Variants in RHBDF1 observed in about 807,000 individuals in gnomAD.
RHBDF1 encodes the protein rhomboid 5 homolog 1, also known as inactive rhomboid protein 1.
Under a neutral mutation model 98.6 loss-of-function variants are expected in RHBDF1, and 80 were observed. The observed-to-expected ratio is 0.81, with a 90% confidence interval of 0.68 to 0.98. The LOEUF (loss-of-function observed/expected upper bound fraction) is 0.98, where lower values mean the gene tolerates loss of function less well. Among genes scored for constraint, RHBDF1 ranks in the 50% least tolerant of loss-of-function variants. The probability of loss-of-function intolerance (pLI) is 0.00; values close to 1 mark genes in which losing one functional copy is unlikely to be tolerated. For synonymous variants in RHBDF1, 512 were observed against 486.8 expected (o/e 1.05, Z -0.68); for missense variants, 1,116 against 1,198.3 (o/e 0.93, Z 1.01).
intron 1 of RHBDF1, among the ~76,000 whole-genome samples, chr16:70,159 T>G (rs570161027): frequency 6.6e-6 from 1 of 152,342 alleles, no homozygotes; most frequent in Admixed American, 6.5e-5. Context: ...TCAGGGCACC[T>G]GTCCAGGCCA....
intron 3 of RHBDF1, 116 bp from the exon 4 acceptor site, chr16:63,916 C>T: frequency 1.1e-6 from 1 of 931,920 alleles, no homozygotes; most frequent in Non-Finnish European, 1.7e-6. Flanking sequence ...ACTCCAGGGA[C>T]CAGGGTCTGA....
chr16:58,234 C>T lies in RHBDF1; in HGVS notation c.*106G>A, dbSNP rs1222884746. On this transcript the variant is annotated 3_prime_UTR_variant, in exon 18 of 18. Transcript: ENST00000262316. ...AGAGGTCTGTGTTCAGGAAACAGGC[C>T]AGTCCCCACATGGAGCAGGTGACTC... 1 of 1,095,716 alleles carries T rather than the reference C, an allele frequency of 9.1e-7. No homozygotes were observed. The highest frequency in any genetic ancestry group is 1.3e-6 in the Non-Finnish European group (1 of 764,390). 67.9% of individuals were successfully genotyped at this position (1,095,716 alleles called of 1,614,324 possible).
At chr16:58,817 A>C in intron 17 of RHBDF1, 58 bp from the exon 18 acceptor site, 1 of 1,577,558 alleles carries the variant, frequency 6.3e-7, no homozygotes, top group Non-Finnish European at 8.6e-7. Flanking sequence ...CCCTGGACCC[A>C]AGGCCTCATC....
At chr16:72,671 G>A, upstream of RHBDF1, 5 of 980,712 alleles carry the variant, frequency 5.1e-6, no homozygotes, top group Non-Finnish European at 6.1e-6. Context: ...GGGCCCGGCC[G>A]GAGCGGGGCG....
intron 1 of RHBDF1, among the ~76,000 whole-genome samples, chr16:72,156 A>G (rs933515171): frequency 1.3e-5 from 2 of 152,182 alleles, no homozygotes; most frequent in South Asian, 4.1e-4. Flanking sequence ...CCCGGACTCT[A>G]GACTCCCGCT....
rs749223491 is a variant in RHBDF1, at chr16:62,021, CCTT to C, written c.982_984del (p.Lys328del). Reference sequence around the variant, plus strand: ...TTGGGCTGCGGGGCTGCGGCGCCCTCCTTCTGCTTCCGCCAGCCTCGCTCCAAG... The same window carrying C: ...TTGGGCTGCGGGGCTGCGGCGCCCTCCTGCTTCCGCCAGCCTCGCTCCAAG... On this transcript the variant is annotated inframe_deletion, in exon 8 of 18. Coordinates refer to ENST00000262316, the MANE Select transcript of RHBDF1 (RefSeq NM_022450.5). The C allele has an allele frequency of 1.3e-5, 20 of 1,521,348 alleles. No individual in the cohort carries two copies. Among genetic ancestry groups the C allele is most frequent in the Non-Finnish European group, 1.5e-5 (17 of 1,139,844 alleles). The allele number at this position is 1,521,348 out of a possible 1,614,324, so 94.2% of individuals were successfully genotyped here.
At position 64,733 on chromosome 16, in the gene RHBDF1, G is replaced by C. The variant is rs141787168; in HGVS notation, c.214C>G (p.Gln72Glu). ...GTCTGTGTGATGGACGTCTGGCGTT[G>C]CAGCACCGGCCGCCGGAGCTCATGG... ...PHHELRRPVL[Q>E]RQTSITQTIR... The change falls in exon 3 of 18, where the codon CAA (glutamine) becomes GAA (glutamate). Residue 72 changes from glutamine (Q) to glutamate (E), a missense_variant. Gln to Glu is a conservative substitution (Grantham distance 29, BLOSUM62 2). Coordinates refer to ENST00000262316, the MANE Select transcript of RHBDF1 (RefSeq NM_022450.5). The C allele has an allele frequency of 2.6e-5, 42 of 1,613,746 alleles. 1 individual carries two copies. In the African/African-American group the frequency reaches 4.3e-4, roughly 16 times the overall value.
At chr16:68,856 C>T (rs570556005) in intron 1 of RHBDF1, among the ~76,000 whole-genome samples, 45 of 152,292 alleles carry the variant, frequency 3.0e-4, no homozygotes, top group Middle Eastern at 3.4e-3. Context: ...AAGCTGGCCG[C>T]GTGCACAGGT....
rs1461684825 is a variant in RHBDF1 at position 62,827 on chromosome 16, T to A, written c.743A>T (p.Glu248Val). 6.8e-6 allele frequency: 11 copies of A among 1,613,888 alleles called. No homozygotes were observed. The highest frequency in any genetic ancestry group is 9.3e-6 in the Non-Finnish European group (11 of 1,180,018). ...ATCGGGGAAATCAGTTGTGTCCTCC[T>A]CCAGAAAGCTAGCTGGAGTGAAGCT... ...RRSFTPASFL[E>V]EDTTDFPDEL... Residue 248 changes from glutamate (E) to valine (V), a missense_variant, in exon 6 of 18, where the codon GAG becomes GTG. Physicochemically the swap from Glu to Val is moderately radical, Grantham distance 121. Coordinates refer to ENST00000262316, the MANE Select transcript of RHBDF1 (RefSeq NM_022450.5).
Position 67,201 on chromosome 16 carries a change from C to T in RHBDF1, c.-24-2162G>A, listed in dbSNP as rs572876823. ...ACACGTTGGGAAGGCAGGTGGTGCT[C>T]GGCAAGGGGCTTCCGGAACCCACAG... On this transcript the variant is annotated intron_variant, in intron 1 of 17. Transcript: ENST00000262316. 6.6e-5 allele frequency among the ~76,000 whole-genome samples: 10 copies of T among 152,324 alleles called. No homozygotes were observed. The South Asian group carries it at 1.9e-3, about 28-fold the overall frequency.
chr16:72,391 C>T (rs1388211753), intron 1 of RHBDF1, 122 bp downstream of exon 1: 1 of 403,274 alleles, frequency 2.5e-6, no homozygotes, highest in Middle Eastern at 1.2e-3. Context: ...CCGGCCCCGA[C>T]ACGGCCCCGG....
rs1273733845 is a variant in RHBDF1 at position 64,930 on chromosome 16, G to C, written c.86C>G (p.Pro29Arg). 2.5e-6 allele frequency: 4 copies of C among 1,602,242 alleles called. No individual in the cohort carries two copies. Among genetic ancestry groups the C allele is most frequent in the Non-Finnish European group, 2.6e-6 (3 of 1,172,242 alleles). ...GAAGCTGGGCTCTTCTGCCGTCAGG[G>C]GCACCGCAGAGGGAATGTCCAGCTT... ...WLKLDIPSAV[P>R]LTAEEPSFLQ... The change falls in exon 2 of 18, where the codon CCC (proline) becomes CGC (arginine). Residue 29 changes from proline to arginine, a missense_variant. Physicochemically the swap from Pro to Arg is moderately radical, Grantham distance 103 (BLOSUM62 -2). Transcript: ENST00000262316.
chr16:62,641 G>C lies in RHBDF1; in HGVS notation c.850C>G (p.Pro284Ala). ...STYPDEVFES[P>A]SEAALKDWEK... ...CAGTCCTTTAGCGCTGCCTCCGATG[G>C]GGACTCGAAAACTTCATCCGGGTAT... The change falls in exon 7 of 18, where the codon CCA (proline) becomes GCA (alanine). Residue 284 changes from proline (P) to alanine (A), a missense_variant. Pro to Ala is a conservative substitution (Grantham distance 27). Coordinates refer to ENST00000262316, the MANE Select transcript of RHBDF1 (RefSeq NM_022450.5). 1.2e-6 allele frequency: 2 copies of C among 1,614,082 alleles called. No homozygotes were observed. The highest frequency in any genetic ancestry group is 1.7e-6 in the Non-Finnish European group (2 of 1,180,032).
In RHBDF1 at chr16:63,094, G is replaced by T. The variant is rs146373106; in HGVS notation, c.551C>A (p.Pro184Gln). The stretch of plus-strand genomic sequence containing the variant: ...GAAGGAGCAGAGGGAGGCAGCACCC[G>T]GCGTGACGGGAGTGTGTGGGGCACT... The part of the protein sequence containing the change: ...GLSAPHTPVT[P>Q]GAASLCSFSS... Residue 184 changes from proline to glutamine, a missense_variant, in exon 5 of 18, where the codon CCG becomes CAG. Coordinates refer to ENST00000262316, the MANE Select transcript of RHBDF1 (RefSeq NM_022450.5). 1 of 1,609,914 alleles carries T rather than the reference G, an allele frequency of 6.2e-7. No individual in the cohort carries two copies. Among genetic ancestry groups the T allele is most frequent in the Non-Finnish European group, 8.5e-7 (1 of 1,178,702 alleles).
chr16:63,495 G>C (rs743724), intron 4 of RHBDF1, 92 bp downstream of exon 4: 807,655 of 1,125,064 alleles, frequency 0.72, 292,390 homozygotes, highest in South Asian at 0.79. Context: ...AGCTCCCAGA[G>C]AGTCCCTTCT....
Position 62,995 on chromosome 16 carries a change from C to G in RHBDF1, c.650G>C (p.Arg217Pro). 1 of 1,612,068 alleles carries G rather than the reference C, an allele frequency of 6.2e-7. No homozygotes were observed. Among genetic ancestry groups the G allele is most frequent in the Non-Finnish European group, 8.5e-7 (1 of 1,179,396 alleles). ...CACTTTCATCAGCGCTGCGGCCGCC[C>G]GGAAGCTCATCTTGGCCACCGACTC... is the stretch of plus-strand genomic sequence containing the variant. ...KRESVAKMSF[R>P]AAAALMKGRS... The change falls in exon 5 of 18, where the codon CGG (arginine) becomes CCG (proline). Residue 217 changes from arginine to proline, a missense_variant. Coordinates refer to ENST00000262316, the MANE Select transcript of RHBDF1 (RefSeq NM_022450.5).
intron 1 of RHBDF1, among the ~76,000 whole-genome samples, chr16:65,284 C>T (rs926953648): frequency 1.3e-5 from 2 of 152,248 alleles, no homozygotes; most frequent in Non-Finnish European, 2.9e-5. Context: ...ACTATCTGAG[C>T]ACACACTATG....
At chr16:65,143 G>A in intron 1 of RHBDF1, 104 bp from the exon 2 acceptor site, 1 of 1,234,324 alleles carries the variant, frequency 8.1e-7, no homozygotes, top group East Asian at 2.5e-5. Context: ...CCCAACCGTG[G>A]TGCTCATGTC....
chr16:67,052 G>T (rs137863529), intron 1 of RHBDF1, among the ~76,000 whole-genome samples: 1 of 152,224 alleles, frequency 6.6e-6, no homozygotes, highest in East Asian at 1.9e-4. Flanking sequence ...CTTCCTCATC[G>T]TCCCCCAGCC....
Sources: gnomAD v4.1 joint callset for allele counts (sites outside exome capture counted in the v4.1 genomes callset) on GRCh38, gnomAD v4.1.1 for gene constraint, MANE v1.5 for transcripts, NCBI Gene and HGNC (gene_info 2026-07-23, HGNC 2026-07-21) for gene names.